ERI1: variants seen among roughly 807,000 people sequenced by gnomAD.
The protein encoded by ERI1 is 3'-5' exoribonuclease 1.
A neutral mutation model predicts 39.7 loss-of-function variants in ERI1; 39 were observed. That is an observed-to-expected ratio of 0.98 (90% CI 0.76 to 1.28). The LOEUF (loss-of-function observed/expected upper bound fraction) is 1.28. ERI1 is among the 50% of genes most tolerant of loss of function. The pLI is 0.00. For missense variants in ERI1, 581 were observed against 416.9 expected, an observed-to-expected ratio of 1.39 and a Z score of -3.43; for synonymous variants, 204 against 149.6, an observed-to-expected ratio of 1.36 and a Z score of -2.65.
chr8:9,050,594 T>C (rs538897387), intron 3 of ERI1, among the ~76,000 whole-genome samples: 3 of 152,118 alleles, frequency 2.0e-5, no homozygotes, highest in Non-Finnish European at 2.9e-5. Flanking sequence ...TGAGTCCTCA[T>C]TGGGAACGTT....
At chr8:9,098,491 C>T (rs1407994689) in intron 3 of ERI1, among the ~76,000 whole-genome samples, 1 of 152,184 alleles carries the variant, frequency 6.6e-6, no homozygotes, top group South Asian at 2.1e-4. Flanking sequence ...GCACTCCAGC[C>T]TGGGTGACAG....
In ERI1 at chr8:9,032,621, G is replaced by C. The variant is rs944506391; in HGVS notation, c.*2587G>C. On this transcript the variant is annotated 3_prime_UTR_variant, in exon 7 of 7. Coordinates refer to ENST00000250263, the MANE Select transcript of ERI1 (RefSeq NM_153332.4). ...GCATGTTACCTATTAAGAGAGAGAG[G>C]GTATCTCTGAAGACTAATTAAAATG... 6.6e-6 allele frequency: 1 copy of C among 151,890 alleles called. No homozygotes were observed. The highest frequency in any genetic ancestry group is 2.4e-5 in the African/African-American group (1 of 41,304). The allele number at this position is 151,890 out of a possible 1,614,324, so 9.4% of individuals were successfully genotyped here.
chr8:9,065,830 G>C (rs1798855973), intron 3 of ERI1, among the ~76,000 whole-genome samples: 1 of 152,022 alleles, frequency 6.6e-6, no homozygotes, highest in Non-Finnish European at 1.5e-5. Context: ...TGGAAGTTTT[G>C]ATTCCTTTTT....
chr8:9,027,413 A>C (rs556926722), intron 6 of ERI1, among the ~76,000 whole-genome samples: 36 of 152,244 alleles, frequency 2.4e-4, no homozygotes, highest in Admixed American at 9.8e-4. Context: ...ATATACTTGC[A>C]AATGTATCTT....
In ERI1 at chr8:9,031,491, G is replaced by A. The variant is rs925488348; in HGVS notation, c.*1457G>A. 2 of 152,188 alleles carry A rather than the reference G, an allele frequency of 1.3e-5. No homozygotes were observed. Among genetic ancestry groups the A allele is most frequent in the South Asian group, 2.1e-4 (1 of 4,832 alleles). 9.4% of individuals were successfully genotyped at this position (152,188 alleles called of 1,614,324 possible). On this transcript the variant is annotated 3_prime_UTR_variant, in exon 7 of 7. Coordinates refer to ENST00000250263, the MANE Select transcript of ERI1 (RefSeq NM_153332.4). ...AATCTAAGTGCTTTAAGTTTATACA[G>A]TTAACTCTTAGGATAAGAGGGATGT...
intron 2 of ERI1, chr8:9,009,204 T>TA: frequency 2.6e-6 from 1 of 388,924 alleles, no homozygotes. Context: ...GCATTGAAGT[T>TA]ATAAAGGTAA....
chr8:9,042,058 A>G (rs1798041058), intron 3 of ERI1, among the ~76,000 whole-genome samples: 1 of 152,172 alleles, frequency 6.6e-6, no homozygotes, highest in Non-Finnish European at 1.5e-5. Flanking sequence ...TGAACAACCT[A>G]ACAGAGTACC....
chr8:9,051,192 AG>A (rs1798343896), intron 3 of ERI1, among the ~76,000 whole-genome samples: 2 of 151,896 alleles, frequency 1.3e-5, no homozygotes, highest in South Asian at 4.2e-4. Context: ...ATATATGAAA[AG>A]GAGTTTATTT....
chr8:9,029,343 T>A (rs1366417932), intron 6 of ERI1, among the ~76,000 whole-genome samples: 1 of 152,160 alleles, frequency 6.6e-6, no homozygotes, highest in East Asian at 1.9e-4. Flanking sequence ...ATTTCAGGGT[T>A]TTTTTGATGG....
chr8:9,053,695 T>G (rs988427286), intron 3 of ERI1, among the ~76,000 whole-genome samples: 9 of 152,184 alleles, frequency 5.9e-5, no homozygotes, highest in African/African-American at 2.2e-4. Context: ...GGACGTTTTG[T>G]GGAACTGAGG....
rs535713484 is a variant in ERI1 at position 9,024,407 on chromosome 8, CTCTTT to C, written c.807+3969_807+3973del. ...TCTTTTTGCTTTTCTCTTCTTTTTTCTCTTTTCTTTTCTTTTCTTTTCTTTTCTTT... is the reference window on the plus strand; with the variant it reads ...TCTTTTTGCTTTTCTCTTCTTTTTTCTCTTTTCTTTTCTTTTCTTTTCTTT... On this transcript the variant is annotated intron_variant, in intron 6 of 6. Transcript: ENST00000250263. 1.8e-3 allele frequency among the ~76,000 whole-genome samples: 274 copies of C among 151,160 alleles called. 2 individuals are homozygous for C. Among genetic ancestry groups the C allele is most frequent in the Non-Finnish European group, 2.3e-3 (156 of 67,854 alleles).
At chr8:9,003,691 A>G (rs1563301960) in intron 1 of ERI1, among the ~76,000 whole-genome samples, 3 of 150,020 alleles carry the variant, frequency 2.0e-5, no homozygotes, top group South Asian at 2.1e-4. Context: ...ATAAGATTGA[A>G]TGAATCATTT....
intron 1 of ERI1, among the ~76,000 whole-genome samples, chr8:9,006,939 T>A (rs901932853): frequency 6.6e-6 from 1 of 152,334 alleles, no homozygotes; most frequent in South Asian, 2.1e-4. Context: ...TTATCCTTCC[T>A]TGATCTATAA....
intron 3 of ERI1, among the ~76,000 whole-genome samples, chr8:9,066,884 C>G (rs898986700): frequency 1.3e-5 from 2 of 151,974 alleles, no homozygotes; most frequent in African/African-American, 4.8e-5. Context: ...GTGGCCTCAG[C>G]TGAGCTGCAG....
In ERI1 at chr8:9,002,988, G is replaced by A. The variant is rs953984780; in HGVS notation, c.-76G>A. 1.9e-6 allele frequency: 2 copies of A among 1,034,300 alleles called. No homozygotes were observed. The highest frequency in any genetic ancestry group is 3.3e-5 in the African/African-American group (2 of 60,554). 64.1% of individuals were successfully genotyped at this position (1,034,300 alleles called of 1,614,324 possible). On this transcript the variant is annotated 5_prime_UTR_variant, in exon 1 of 7. Coordinates refer to ENST00000250263, the MANE Select transcript of ERI1 (RefSeq NM_153332.4). ...CGGTAATTTTTCAACGGAGAAAGGC[G>A]AGGCTTTCGGGCTCTGCAGAGTGAG...
chr8:9,019,124 C>G (rs548221713), intron 5 of ERI1, among the ~76,000 whole-genome samples: 1 of 151,984 alleles, frequency 6.6e-6, no homozygotes, highest in Non-Finnish European at 1.5e-5. Flanking sequence ...AGTGTATGCC[C>G]AAAAAGCATT....
intron 2 of ERI1, chr8:9,009,285 A>G: frequency 3.0e-6 from 1 of 328,708 alleles, no homozygotes; most frequent in Admixed American, 4.1e-5. Flanking sequence ...ATCACAATAC[A>G]GAGTGGCCAA....
At chr8:9,009,624 C>G (rs1212576017) in intron 2 of ERI1, among the ~76,000 whole-genome samples, 5 of 152,010 alleles carry the variant, frequency 3.3e-5, no homozygotes, top group African/African-American at 1.2e-4. Context: ...ACTGCAACCT[C>G]CGACTCCTGG....
At chr8:9,054,062 T>C (rs970264934) in intron 3 of ERI1, among the ~76,000 whole-genome samples, 1 of 152,204 alleles carries the variant, frequency 6.6e-6, no homozygotes, top group Non-Finnish European at 1.5e-5. Context: ...CATTCACATA[T>C]GAAGTTGACC....
Sources: allele counts gnomAD v4.1 joint callset (sites outside exome capture counted in the v4.1 genomes callset), GRCh38; gene constraint gnomAD v4.1.1; transcripts MANE v1.5; gene names NCBI Gene and HGNC (gene_info 2026-07-23, HGNC 2026-07-21).